OXNAD1: variants seen among roughly 807,000 people sequenced by gnomAD.
OXNAD1 encodes the protein oxidoreductase NAD binding domain containing 1, also known as oxidoreductase NAD-binding domain-containing protein 1.
Under a neutral mutation model 32.9 loss-of-function variants are expected in OXNAD1, and 34 were observed. That is an observed-to-expected ratio of 1.03 (90% confidence interval 0.79 to 1.38). The LOEUF is 1.38. OXNAD1 is among the 40% of genes most tolerant of loss of function. OXNAD1 has a pLI of 0.00. For missense variants in OXNAD1, 407 were observed against 379.4 expected (o/e 1.07, Z -0.60); for synonymous variants, 134 against 135.2 (o/e 0.99, Z 0.06).
downstream of OXNAD1, among the ~76,000 whole-genome samples, chr3:16,341,289 A>T (rs1310100566): frequency 6.6e-6 from 1 of 152,240 alleles, no homozygotes; most frequent in South Asian, 2.1e-4. The surrounding 1 kb of genome is among the most constrained non-coding windows in gnomAD (Gnocchi z 4.7). Context: ...ATGATCCAGC[A>T]ATCATACTCC....
chr3:16,272,725 CTT>C (rs2065043128), intron 4 of OXNAD1, among the ~76,000 whole-genome samples: 1 of 143,500 alleles, frequency 7.0e-6, no homozygotes, highest in African/African-American at 2.6e-5. Flanking sequence ...GGGAAGTACA[CTT>C]TTTCCAATAA....
chr3:16,310,518 TACC>T (rs1400514993), downstream of OXNAD1, among the ~76,000 whole-genome samples: 1 of 152,228 alleles, frequency 6.6e-6, no homozygotes, highest in Non-Finnish European at 1.5e-5. Context: ...ACACAAGTTT[TACC>T]ACATTAAAGG....
At chr3:16,350,235 C>A (rs1039801950) in exon 10 of OXNAD1, 1 of 152,106 alleles carries the variant, frequency 6.6e-6, no homozygotes, top group Admixed American at 6.5e-5. Context: ...ATATATTATC[C>A]TTTGTTTAAC....
intron 4 of OXNAD1, among the ~76,000 whole-genome samples, chr3:16,285,043 G>A (rs2065979320): frequency 6.6e-6 from 1 of 152,190 alleles, no homozygotes; most frequent in Admixed American, 6.5e-5. Flanking sequence ...TGCAGGTAGA[G>A]GGTCAGTAAT....
At chr3:16,319,131 C>T (rs746695912) in intron 9 of OXNAD1, among the ~76,000 whole-genome samples, 3 of 152,158 alleles carry the variant, frequency 2.0e-5, no homozygotes, top group Non-Finnish European at 2.9e-5. Context: ...GTAAGAGTCT[C>T]TCCTTTTTTT....
intron 9 of OXNAD1, chr3:16,323,395 A>G: frequency 1.2e-6 from 2 of 1,610,438 alleles, no homozygotes; most frequent in Non-Finnish European, 1.7e-6. Flanking sequence ...CTTCTTCTTG[A>G]TTTTCTGAGG....
At position 16,322,543 on chromosome 3, in the gene OXNAD1, T is replaced by C. The variant is rs1353702415; in HGVS notation, c.*31-14569T>C. ...CAGTGAGCTGAATCCAGGTGATGCC[T>C]GACTCAGGCTTTGGTGTGTCCACTC... On this transcript the variant is annotated intron_variant, in intron 9 of 9. Transcript: ENST00000435829. This position sits in a 1 kb window ranked among gnomAD's most constrained non-coding sequence, Gnocchi z 6.2. Among the ~76,000 whole-genome samples the C allele has an allele frequency of 3.9e-5, 6 of 152,200 alleles. No homozygotes were observed. Among genetic ancestry groups the C allele is most frequent in the Admixed American group, 3.9e-4 (6 of 15,288 alleles).
intron 5 of OXNAD1, among the ~76,000 whole-genome samples, chr3:16,294,378 A>G (rs1228705157): frequency 1.4e-5 from 2 of 147,880 alleles, no homozygotes; most frequent in Non-Finnish European, 3.0e-5. Context: ...AATATTTTGT[A>G]TTTTTTTTTT....
Position 16,302,613 on chromosome 3 carries a change from T to C in OXNAD1, c.676-27T>C, listed in dbSNP as rs971903654. On this transcript the variant is annotated intron_variant, in intron 7 of 8. Transcript: ENST00000285083. The surrounding 1 kb of genome is among the most constrained non-coding windows in gnomAD (Gnocchi z 4.2). ...CTGTTTTGATTTTTTAAAATTGTAGTGTGACCAAATATGTTTGACATTCCA... is the reference window on the plus strand; with the variant it reads ...CTGTTTTGATTTTTTAAAATTGTAGCGTGACCAAATATGTTTGACATTCCA... 3.3e-6 allele frequency: 5 copies of C among 1,512,824 alleles called. No homozygotes were observed. In the Admixed American group the frequency reaches 5.2e-5, roughly 16 times the overall value. 93.7% of individuals were successfully genotyped at this position (1,512,824 alleles called of 1,614,324 possible). A position where few individuals can be genotyped will look rare whatever the true frequency, so the allele number is the denominator to read the frequency against.
chr3:16,347,794 A>G (rs1013762197), intron 9 of OXNAD1: 1 of 152,240 alleles, frequency 6.6e-6, no homozygotes, highest in Non-Finnish European at 1.5e-5. Context: ...AATAACTTTT[A>G]TCTCGATTTG....
intron 5 of OXNAD1, among the ~76,000 whole-genome samples, chr3:16,293,621 G>C (rs910804270): frequency 6.6e-6 from 1 of 151,176 alleles, no homozygotes; most frequent in African/African-American, 2.4e-5. Context: ...CCATTAAGTA[G>C]GATGTTAGTT....
At position 16,335,504 on chromosome 3, in the gene OXNAD1, C is replaced by T. The variant is rs190611702; in HGVS notation, c.*31-1608C>T. Among the ~76,000 whole-genome samples, 51 of 152,286 alleles carry T rather than the reference C, an allele frequency of 3.3e-4. No individual in the cohort carries two copies. Among genetic ancestry groups the T allele is most frequent in the Non-Finnish European group, 6.8e-4 (46 of 68,028 alleles). On this transcript the variant is annotated intron_variant, in intron 9 of 9. Coordinates refer to the OXNAD1 transcript ENST00000435829. This position sits in a 1 kb window ranked among gnomAD's most constrained non-coding sequence, Gnocchi z 4.7. ...GAAGCTGTTATCCTTAGCAAACTAA[C>T]GCAGGAACAGAAAATCAAACACCAC...
In OXNAD1 at chr3:16,290,462, A is replaced by G. The variant is rs560293986; in HGVS notation, c.290+4014A>G. On this transcript the variant is annotated intron_variant, in intron 5 of 8. Coordinates refer to ENST00000285083, the MANE Select transcript of OXNAD1 (RefSeq NM_138381.5). The surrounding 1 kb of genome is among the most constrained non-coding windows in gnomAD (Gnocchi z 4.2). ...AAGAGGGTTGGTTCCCTTTCATTCA[A>G]CTGAGAGAATGGCCTTCATCAGCAT... 6.6e-6 allele frequency among the ~76,000 whole-genome samples: 1 copy of G among 152,272 alleles called. No individual in the cohort carries two copies. Among genetic ancestry groups the G allele is most frequent in the South Asian group, 2.1e-4 (1 of 4,820 alleles).
intron 5 of OXNAD1, among the ~76,000 whole-genome samples, chr3:16,292,100 G>C (rs1378653407): frequency 2.0e-5 from 3 of 151,588 alleles, no homozygotes; most frequent in Admixed American, 2.0e-4. Context: ...TGAGTTGTAA[G>C]AGTTCTTTAT....
rs981087224 is a variant in OXNAD1, at chr3:16,265,983, A to T, written c.-159+478A>T. 78 of 847,694 alleles carry T rather than the reference A, an allele frequency of 9.2e-5. No homozygotes were observed. Among genetic ancestry groups the T allele is most frequent in the Non-Finnish European group, 1.0e-4 (71 of 704,420 alleles). 52.5% of individuals were successfully genotyped at this position (847,694 alleles called of 1,614,324 possible). ...GCATTTTTGTCTTGAAAGCAGTGCT[A>T]GTGCCTGTTTTGGTAAAACCGATTA... On this transcript the variant is annotated intron_variant, in intron 1 of 8. Transcript: ENST00000285083. The surrounding 1 kb of genome is among the most constrained non-coding windows in gnomAD (Gnocchi z 4.8).
At chr3:16,319,041 GTTTCCAGGCACC>G (rs2068745828) in intron 9 of OXNAD1, among the ~76,000 whole-genome samples, 1 of 152,210 alleles carries the variant, frequency 6.6e-6, no homozygotes, top group African/African-American at 2.4e-5. Context: ...AGCCTCCATA[GTTTCCAGGCACC>G]GTGTTATGGT....
Position 16,299,773 on chromosome 3 carries a change from G to A in OXNAD1, c.433-1853G>A, listed in dbSNP as rs1446824545. ...CATTTAGTTGATTTATGCCAGGAAC[G>A]TGTAATGGGAGAAACCTATGCTCTT... On this transcript the variant is annotated intron_variant, in intron 6 of 8. Coordinates refer to ENST00000285083, the MANE Select transcript of OXNAD1 (RefSeq NM_138381.5). This position sits in a 1 kb window ranked among gnomAD's most constrained non-coding sequence, Gnocchi z 4.4. 1.3e-5 allele frequency among the ~76,000 whole-genome samples: 2 copies of A among 152,218 alleles called. No individual in the cohort carries two copies. The highest frequency in any genetic ancestry group is 1.3e-4 in the Admixed American group (2 of 15,286).
rs1308431018 is a variant in OXNAD1 at position 16,299,442 on chromosome 3, T to C, written c.433-2184T>C. Among the ~76,000 whole-genome samples, 1 of 152,224 alleles carries C rather than the reference T, an allele frequency of 6.6e-6. No homozygotes were observed. The highest frequency in any genetic ancestry group is 2.4e-5 in the African/African-American group (1 of 41,466). ...TTTGTCAAAAATGAAAACCCACTTATCACCATTCATGTAAAAATCTCCCAC... is the reference window on the plus strand; with the variant it reads ...TTTGTCAAAAATGAAAACCCACTTACCACCATTCATGTAAAAATCTCCCAC... On this transcript the variant is annotated intron_variant, in intron 6 of 8. Transcript: ENST00000285083. The surrounding 1 kb of genome is among the most constrained non-coding windows in gnomAD (Gnocchi z 4.4).
In OXNAD1 at chr3:16,290,620, A is replaced by G. The variant is rs142305601; in HGVS notation, c.290+4172A>G. Reference sequence around the variant, plus strand: ...TGTGATAGCATATAGCAACTGTGTTAACAAATGCTAACGATAGTCTTTTAA... The same window carrying G: ...TGTGATAGCATATAGCAACTGTGTTGACAAATGCTAACGATAGTCTTTTAA... On this transcript the variant is annotated intron_variant, in intron 5 of 8. Transcript: ENST00000285083. The surrounding 1 kb of genome is among the most constrained non-coding windows in gnomAD (Gnocchi z 4.2). 6.6e-6 allele frequency among the ~76,000 whole-genome samples: 1 copy of G among 152,368 alleles called. No homozygotes were observed. Among genetic ancestry groups the G allele is most frequent in the East Asian group, 1.9e-4 (1 of 5,192 alleles).
Sources: gnomAD v4.1 joint callset for allele counts (sites outside exome capture counted in the v4.1 genomes callset) on GRCh38, gnomAD v4.1.1 for gene constraint, Gnocchi (gnomAD v3.1) non-coding constraint, MANE v1.5 for transcripts, NCBI Gene and HGNC (gene_info 2026-07-23, HGNC 2026-07-21) for gene names.